Variants in OR2J2 observed in about 807,000 individuals in gnomAD.
OR2J2 encodes the protein olfactory receptor 2J2.
A neutral mutation model predicts 16.9 loss-of-function variants in OR2J2; 13 were observed. That is an observed-to-expected ratio of 0.77 (90% CI 0.50 to 1.23). OR2J2 has a LOEUF of 1.23. Among genes scored for constraint, OR2J2 ranks in the 50% most tolerant of loss-of-function variants. The probability of loss-of-function intolerance (pLI) is 0.00; values close to 1 mark genes in which losing one functional copy is unlikely to be tolerated. For missense variants in OR2J2, 341 were observed against 379.1 expected, an observed-to-expected ratio of 0.90 and a Z score of 0.84; for synonymous variants, 125 against 141.2, an observed-to-expected ratio of 0.89 and a Z score of 0.81.
intron 1 of OR2J2, among the ~76,000 whole-genome samples, chr6:29,172,426 G>A (rs1453842677): frequency 6.6e-6 from 1 of 152,032 alleles, no homozygotes; most frequent in East Asian, 1.9e-4. Context: ...GCAGAAGGGG[G>A]ATGGCAAAAC....
chr6:29,174,463 C>T lies in OR2J2; in HGVS notation c.828C>T (p.Ala276=). ...ENSPDQGKFI[A]LFYTVVTPSL... is the part of the protein sequence containing the mutation. ...CTCCTGATCAGGGCAAGTTCATTGC[C>T]CTCTTTTATACTGTTGTCACACCGA... Residue 276 remains alanine, a synonymous_variant, in exon 2 of 2, where the codon GCC becomes GCT. Transcript: ENST00000641417. 1 of 1,613,908 alleles carries T rather than the reference C, an allele frequency of 6.2e-7. No individual in the cohort carries two copies. Among genetic ancestry groups the T allele is most frequent in the Non-Finnish European group, 8.5e-7 (1 of 1,179,950 alleles).
At chr6:29,173,082 A>G (rs143691032) in intron 1 of OR2J2, among the ~76,000 whole-genome samples, 2,725 of 152,126 alleles carry the variant, frequency 0.018, 41 homozygotes, top group Middle Eastern at 0.041. Context: ...TTAAACTTTG[A>G]TTTGTGCATT....
rs1253054506 is a variant in OR2J2, at chr6:29,174,397, T to A, written c.762T>A (p.Ile254=). Residue 254 remains isoleucine (I), a synonymous_variant, in exon 2 of 2, where the codon ATT becomes ATA. Transcript: ENST00000641417. ...TTATGGTTGTATCTCTCTTTTTCAT[T>A]CCAGTCATGTGCATGTATCTCCAGC... ...AHLMVVSLFF[I]PVMCMYLQPP... 1 of 1,613,850 alleles carries A rather than the reference T, an allele frequency of 6.2e-7. No individual in the cohort carries two copies. Among genetic ancestry groups the A allele is most frequent in the Admixed American group, 1.7e-5 (1 of 59,926 alleles).
intron 1 of OR2J2, among the ~76,000 whole-genome samples, chr6:29,172,468 T>C (rs117155616): frequency 1.3e-5 from 2 of 152,256 alleles, no homozygotes; most frequent in East Asian, 3.9e-4. Flanking sequence ...TGGGTTCCTG[T>C]ATTTTATTGC....
intron 1 of OR2J2, among the ~76,000 whole-genome samples, chr6:29,172,951 A>G (rs1765581597): frequency 6.6e-6 from 1 of 152,132 alleles, no homozygotes; most frequent in African/African-American, 2.4e-5. Flanking sequence ...TATGTCTTCC[A>G]GTAATATAGT....
At chr6:29,171,340 CA>C in intron 1 of OR2J2, among the ~76,000 whole-genome samples, 1 of 151,786 alleles carries the variant, frequency 6.6e-6, no homozygotes, top group Non-Finnish European at 1.5e-5. Context: ...ATTAAGAAAA[CA>C]AACCAGATAT....
Position 29,173,679 on chromosome 6 carries a change from T to C in OR2J2, c.44T>C (p.Leu15Pro), listed in dbSNP as rs537704908. Reference protein sequence around the residue: ...KNASSEDFFILLGFSNWPQLE... With the variant: ...KNASSEDFFIPLGFSNWPQLE... ...GCAAGTTCGGAAGACTTCTTTATTCTACTTGGATTTTCTAATTGGCCTCAG... is the reference window on the plus strand; with the variant it reads ...GCAAGTTCGGAAGACTTCTTTATTCCACTTGGATTTTCTAATTGGCCTCAG... The change falls in exon 2 of 2, where the codon CTA becomes CCA. Residue 15 changes from leucine to proline, a missense_variant. Leu to Pro is a moderately conservative substitution (Grantham distance 98). Transcript: ENST00000641417. 13 of 1,612,582 alleles carry C rather than the reference T, an allele frequency of 8.1e-6. No individual in the cohort carries two copies. The South Asian group carries it at 1.3e-4, about 16-fold the overall frequency.
chr6:29,172,559 A>C (rs1765560285), intron 1 of OR2J2, among the ~76,000 whole-genome samples: 1 of 152,122 alleles, frequency 6.6e-6, no homozygotes, highest in African/African-American at 2.4e-5. Context: ...ACTGAAAATC[A>C]AGCTATCAAA....
At chr6:29,171,891 G>A (rs766523535) in intron 1 of OR2J2, among the ~76,000 whole-genome samples, 1 of 152,050 alleles carries the variant, frequency 6.6e-6, no homozygotes, top group Non-Finnish European at 1.5e-5. Flanking sequence ...CAGTATCTTT[G>A]TACCAGTCTG....
chr6:29,173,682 T>C lies in OR2J2; in HGVS notation c.47T>C (p.Leu16Pro), dbSNP rs774525822. 18 of 1,612,770 alleles carry C rather than the reference T, an allele frequency of 1.1e-5. No individual in the cohort carries two copies. The African/African-American group carries it at 1.9e-4, about 17-fold the overall frequency. The stretch of plus-strand genomic sequence containing the variant: ...AGTTCGGAAGACTTCTTTATTCTAC[T>C]TGGATTTTCTAATTGGCCTCAGCTG... ...NASSEDFFIL[L>P]GFSNWPQLEV... The change falls in exon 2 of 2, where the codon CTT becomes CCT. Residue 16 changes from leucine to proline, a missense_variant. By Grantham distance (98) the Leu-to-Pro change is moderately conservative (BLOSUM62 -3). Transcript: ENST00000641417.
At chr6:29,172,091 C>T (rs1298172620) in intron 1 of OR2J2, among the ~76,000 whole-genome samples, 3 of 152,094 alleles carry the variant, frequency 2.0e-5, no homozygotes, top group Non-Finnish European at 4.4e-5. Context: ...CTTGCTCTGT[C>T]ACCCAGGCTG....
In OR2J2 at chr6:29,174,812, T is replaced by G; in HGVS notation, c.*238T>G. 1 of 443,458 alleles carries G rather than the reference T, an allele frequency of 2.3e-6. No homozygotes were observed. The highest frequency in any genetic ancestry group is 3.9e-6 in the Non-Finnish European group (1 of 253,510). 27.5% of individuals were successfully genotyped at this position (443,458 alleles called of 1,614,324 possible). A position where few individuals can be genotyped will look rare whatever the true frequency, so the allele number is the denominator to read the frequency against. On this transcript the variant is annotated 3_prime_UTR_variant, in exon 2 of 2. Transcript: ENST00000641417. ...TTGTATATTTTATTTCTGTGAAAATTGTGGACTGTGGTTTCAACGTAAATA... is the reference window on the plus strand; with the variant it reads ...TTGTATATTTTATTTCTGTGAAAATGGTGGACTGTGGTTTCAACGTAAATA...
chr6:29,174,728 G>T lies in OR2J2; in HGVS notation c.*154G>T. 1.8e-6 allele frequency: 1 copy of T among 551,464 alleles called. No individual in the cohort carries two copies. The highest frequency in any genetic ancestry group is 3.1e-6 in the Non-Finnish European group (1 of 326,884). The allele number at this position is 551,464 out of a possible 1,614,324, so 34.2% of individuals were successfully genotyped here. A position where few individuals can be genotyped will look rare whatever the true frequency, so the allele number is the denominator to read the frequency against. ...CATTTGTTGCTCTTTTTATTATTTA[G>T]TTCTGAAATATTATGTTGAGATAAA... On this transcript the variant is annotated 3_prime_UTR_variant, in exon 2 of 2. Transcript: ENST00000641417.
In OR2J2 at chr6:29,173,929, C is replaced by T. The variant is rs757998618; in HGVS notation, c.294C>T (p.Cys98=). 4.3e-6 allele frequency: 7 copies of T among 1,610,302 alleles called. No homozygotes were observed. Among genetic ancestry groups the T allele is most frequent in the Admixed American group, 1.7e-5 (1 of 59,384 alleles). ...AAAAGACCATCTCGTATGCTGGTTG[C>T]ATGGTTCAACTTTACTTTGTTCTTG... ...GPEKTISYAG[C]MVQLYFVLAL... The change falls in exon 2 of 2, where the codon TGC becomes TGT. Residue 98 remains cysteine (C), a synonymous_variant. Coordinates refer to ENST00000641417, the MANE Select transcript of OR2J2 (RefSeq NM_030905.3).
intron 1 of OR2J2, 186 bp from the exon 2 acceptor site, chr6:29,173,433 G>A: frequency 2.0e-6 from 1 of 498,716 alleles, no homozygotes; most frequent in Non-Finnish European, 3.5e-6. Context: ...AACTTGAGAA[G>A]CTATTGCTTG....
rs1311108701 is a variant in OR2J2, at chr6:29,174,347, G to A, written c.712G>A (p.Val238Met). Residue 238 changes from valine (V) to methionine (M), a missense_variant, in exon 2 of 2, where the codon GTG becomes ATG. Coordinates refer to ENST00000641417, the MANE Select transcript of OR2J2 (RefSeq NM_030905.3). Reference sequence around the variant, plus strand: ...GCAATCAACCACTGGGCTTCAGAAAGTGTTTAGGACATGTGGAGCCCATCT... The same window carrying A: ...GCAATCAACCACTGGGCTTCAGAAAATGTTTAGGACATGTGGAGCCCATCT... ...SMQSTTGLQKVFRTCGAHLMV... is the reference protein window; with the variant it reads ...SMQSTTGLQKMFRTCGAHLMV... The A allele has an allele frequency of 2.5e-6, 4 of 1,613,796 alleles. No individual in the cohort carries two copies. In the African/African-American group the frequency reaches 4.0e-5, roughly 16 times the overall value.
Position 29,175,064 on chromosome 6 carries a change from T to C in OR2J2, c.*490T>C, listed in dbSNP as rs1765769375. On this transcript the variant is annotated 3_prime_UTR_variant, in exon 2 of 2. Coordinates refer to ENST00000641417, the MANE Select transcript of OR2J2 (RefSeq NM_030905.3). ...ATGAATAACATTGTTTAAGATATGGTAAAGGATATATCATAAGTATTTGGT... is the reference window on the plus strand; with the variant it reads ...ATGAATAACATTGTTTAAGATATGGCAAAGGATATATCATAAGTATTTGGT... 6.5e-6 allele frequency: 1 copy of C among 153,764 alleles called. No homozygotes were observed. The highest frequency in any genetic ancestry group is 2.4e-5 in the African/African-American group (1 of 41,464). 9.5% of individuals were successfully genotyped at this position (153,764 alleles called of 1,614,324 possible). A position where few individuals can be genotyped will look rare whatever the true frequency, so the allele number is the denominator to read the frequency against.
At position 29,174,799 on chromosome 6, in the gene OR2J2, T is replaced by C. The variant is rs115520000; in HGVS notation, c.*225T>C. ...TGTTCTTTTACAATTGTATATTTTA[T>C]TTCTGTGAAAATTGTGGACTGTGGT... On this transcript the variant is annotated 3_prime_UTR_variant, in exon 2 of 2. Coordinates refer to ENST00000641417, the MANE Select transcript of OR2J2 (RefSeq NM_030905.3). The C allele has an allele frequency of 2.2e-3, 991 of 453,900 alleles. 13 individuals are homozygous for C. Among genetic ancestry groups the C allele is most frequent in the African/African-American group, 0.017 (863 of 49,654 alleles). The allele number at this position is 453,900 out of a possible 1,614,324, so 28.1% of individuals were successfully genotyped here.
Position 29,174,576 on chromosome 6 carries a change from A to C in OR2J2, c.*2A>C. The C allele has an allele frequency of 1.3e-6, 2 of 1,590,012 alleles. No homozygotes were observed. Among genetic ancestry groups the C allele is most frequent in the Non-Finnish European group, 1.7e-6 (2 of 1,168,596 alleles). ...TTGGGGTGGGAGTGGGGGAAGTGAC[A>C]GGGAAATCATGTTGTCTGTTGTCAT... On this transcript the variant is annotated 3_prime_UTR_variant, in exon 2 of 2. Transcript: ENST00000641417.
Sources: allele counts gnomAD v4.1 joint callset (sites outside exome capture counted in the v4.1 genomes callset), GRCh38; gene constraint gnomAD v4.1.1; transcripts MANE v1.5; gene names NCBI Gene and HGNC (gene_info 2026-07-23, HGNC 2026-07-21).